PUM3: variants seen among roughly 807,000 people sequenced by gnomAD.
PUM3 encodes the protein pumilio homolog 3.
A neutral mutation model predicts 84.0 loss-of-function variants in PUM3; 91 were observed. The observed-to-expected ratio is 1.08, with a 90% CI of 0.91 to 1.29. The LOEUF is 1.29. Among genes scored for constraint, PUM3 ranks in the 50% most tolerant of loss-of-function variants. The probability of loss-of-function intolerance (pLI) is 0.00; values close to 1 mark genes in which losing one functional copy is unlikely to be tolerated. For synonymous variants in PUM3, 321 were observed against 266.7 expected (o/e 1.20, Z -1.98); for missense variants, 1,067 against 767.5 (o/e 1.39, Z -4.61).
chr9:2,841,208 T>C (rs1478836111), intron 1 of PUM3, among the ~76,000 whole-genome samples: 1 of 152,234 alleles, frequency 6.6e-6, no homozygotes, highest in African/African-American at 2.4e-5. Context: ...TGCTAACCTG[T>C]ACCCCGTGAG....
chr9:2,843,666 C>G (rs1471790254), intron 1 of PUM3, among the ~76,000 whole-genome samples: 4 of 150,858 alleles, frequency 2.7e-5, no homozygotes, highest in African/African-American at 9.8e-5. Context: ...GCAAGCTCCG[C>G]CTCCCGGGTT....
At chr9:2,830,243 G>A (rs1333710123) in intron 7 of PUM3, among the ~76,000 whole-genome samples, 1 of 152,114 alleles carries the variant, frequency 6.6e-6, no homozygotes, top group South Asian at 2.1e-4. Context: ...TTAATCACAA[G>A]TATTTTAACT....
chr9:2,832,071 T>C (rs550565909), intron 5 of PUM3, among the ~76,000 whole-genome samples: 1 of 152,278 alleles, frequency 6.6e-6, no homozygotes, highest in African/African-American at 2.4e-5. Flanking sequence ...ACTTCAAAAG[T>C]GCTTATTTGT....
In PUM3 at chr9:2,828,449, A is replaced by G; in HGVS notation, c.956+226T>C. On this transcript the variant is annotated intron_variant, in intron 9 of 17. Transcript: ENST00000397885. ...AATGTTTCATTGCTTAAAAAAGCTCATAAATCACGAATGCATGTTAGTTAT... is the reference window on the plus strand; with the variant it reads ...AATGTTTCATTGCTTAAAAAAGCTCGTAAATCACGAATGCATGTTAGTTAT... The G allele has an allele frequency of 6.9e-6, 3 of 436,592 alleles. No individual in the cohort carries two copies. In the East Asian group the frequency reaches 1.3e-4, roughly 18 times the overall value. The allele number at this position is 436,592 out of a possible 1,614,324, so 27.0% of individuals were successfully genotyped here. A position where few individuals can be genotyped will look rare whatever the true frequency, so the allele number is the denominator to read the frequency against.
At chr9:2,841,090 C>A (rs1406113874) in intron 1 of PUM3, among the ~76,000 whole-genome samples, 1 of 152,216 alleles carries the variant, frequency 6.6e-6, no homozygotes, top group Non-Finnish European at 1.5e-5. Context: ...GGCATCTCCT[C>A]TTGCTCATTT....
chr9:2,834,054 C>T lies in PUM3; in HGVS notation c.417G>A (p.Lys139=). The part of the protein sequence containing the change: ...KTNYDIVVRA[K]QMWEILRRKD... ...ACCTTCTTAAAATCTCCCACATCTG[C>T]TTTGCCCGAACAACAATGTCATAGT... The change falls in exon 4 of 18, where the codon AAG becomes AAA. Residue 139 remains lysine (K), a synonymous_variant. Transcript: ENST00000397885. 6.2e-7 allele frequency: 1 copy of T among 1,613,548 alleles called. No individual in the cohort carries two copies. Among genetic ancestry groups the T allele is most frequent in the East Asian group, 2.2e-5 (1 of 44,854 alleles).
chr9:2,814,052 A>G (rs368282561), intron 13 of PUM3, among the ~76,000 whole-genome samples: 1 of 28,100 alleles, frequency 3.6e-5, no homozygotes, highest in African/African-American at 3.0e-4. Context: ...TGAAAATTCA[A>G]TAGGTCTAAC....
chr9:2,810,864 G>C (rs1387242293), intron 15 of PUM3, among the ~76,000 whole-genome samples: 1 of 152,188 alleles, frequency 6.6e-6, no homozygotes, highest in African/African-American at 2.4e-5. Context: ...GGGATTATCT[G>C]ATGAGCGAAT....
intron 16 of PUM3, 41 bp from the exon 17 acceptor site, chr9:2,807,945 G>A: frequency 8.1e-7 from 1 of 1,240,148 alleles, no homozygotes; most frequent in Non-Finnish European, 1.2e-6. Context: ...CACATAATAA[G>A]ATATATACTC....
intron 17 of PUM3, among the ~76,000 whole-genome samples, chr9:2,806,584 C>T (rs945914973): frequency 3.3e-5 from 5 of 152,176 alleles, no homozygotes; most frequent in Non-Finnish European, 5.9e-5. Flanking sequence ...ACAGTAATTG[C>T]TTCAAAGCAA....
At chr9:2,806,299 C>T (rs1821257206) in intron 17 of PUM3, among the ~76,000 whole-genome samples, 1 of 152,136 alleles carries the variant, frequency 6.6e-6, no homozygotes, top group Non-Finnish European at 1.5e-5. Flanking sequence ...TGTTTAACAT[C>T]AACTGGAAAA....
Position 2,834,023 on chromosome 9 carries a change from A to G in PUM3, c.440+8T>C. 6.2e-7 allele frequency: 1 copy of G among 1,612,350 alleles called. No homozygotes were observed. ...GGGACTAACAAAGGCATCTTTAGGTAGAATTACCTTCTTAAAATCTCCCAC... is the reference window on the plus strand; with the variant it reads ...GGGACTAACAAAGGCATCTTTAGGTGGAATTACCTTCTTAAAATCTCCCAC... On this transcript the variant is annotated splice_region_variant and intron_variant, in intron 4 of 17. Coordinates refer to ENST00000397885, the MANE Select transcript of PUM3 (RefSeq NM_014878.5).
intron 1 of PUM3, among the ~76,000 whole-genome samples, chr9:2,839,846 T>C (rs1484462514): frequency 6.6e-6 from 1 of 152,242 alleles, no homozygotes; most frequent in Non-Finnish European, 1.5e-5. Flanking sequence ...AATTTTTATA[T>C]TGAAATAATT....
chr9:2,831,220 G>T (rs758433488), intron 6 of PUM3, 31 bp downstream of exon 6: 3 of 1,400,836 alleles, frequency 2.1e-6, no homozygotes, highest in South Asian at 1.2e-5. Context: ...TATTGCAAAT[G>T]ATAACATAAT....
chr9:2,839,191 A>C (rs1158581533), intron 1 of PUM3, among the ~76,000 whole-genome samples: 3 of 152,186 alleles, frequency 2.0e-5, no homozygotes, highest in Non-Finnish European at 4.4e-5. Context: ...CAGGATAAAC[A>C]AGTTATAACC....
At chr9:2,825,481 T>C (rs1027392375) in intron 10 of PUM3, among the ~76,000 whole-genome samples, 1 of 152,124 alleles carries the variant, frequency 6.6e-6, no homozygotes, top group African/African-American at 2.4e-5. Context: ...ATTTCTTATT[T>C]ACATTTTCTT....
At chr9:2,805,582 C>T (rs1243073933) in intron 17 of PUM3, among the ~76,000 whole-genome samples, 1 of 152,150 alleles carries the variant, frequency 6.6e-6, no homozygotes, top group South Asian at 2.1e-4. Flanking sequence ...TTGCCACCTA[C>T]GATGCTAAAA....
intron 13 of PUM3, 71 bp from the exon 14 acceptor site, chr9:2,812,433 T>C (rs975522305): frequency 9.3e-7 from 1 of 1,074,418 alleles, no homozygotes; most frequent in Non-Finnish European, 1.3e-6. Flanking sequence ...AGGACCTTTC[T>C]TCCATATTTG....
At chr9:2,819,575 G>A (rs956011369) in intron 13 of PUM3, among the ~76,000 whole-genome samples, 3 of 152,180 alleles carry the variant, frequency 2.0e-5, no homozygotes, top group African/African-American at 7.2e-5. Flanking sequence ...GGGTAACTGT[G>A]CAGAGGTAAT....
Sources: gnomAD v4.1 joint callset for allele counts (sites outside exome capture counted in the v4.1 genomes callset) on GRCh38, gnomAD v4.1.1 for gene constraint, MANE v1.5 for transcripts, NCBI Gene and HGNC (gene_info 2026-07-23, HGNC 2026-07-21) for gene names.